The following KPNA6 variants were observed in gnomAD, a reference collection of about 807,000 sequenced individuals.
KPNA6 encodes importin subunit alpha-7.
KPNA6 carries 9 observed loss-of-function variants against 72.0 expected under a neutral mutation model. That is an observed-to-expected ratio of 0.13 (90% confidence interval 0.08 to 0.22). The LOEUF is 0.22. Ranked by LOEUF, KPNA6 falls within the 10% of genes least tolerant of loss-of-function variation. The pLI is 1.00. For missense variants in KPNA6, 374 were observed against 655.7 expected, an observed-to-expected ratio of 0.57 and a Z score of 4.69; for synonymous variants, 219 against 242.1, an observed-to-expected ratio of 0.90 and a Z score of 0.89.
In KPNA6 at chr1:32,147,612, T is replaced by C. The variant is rs181023228; in HGVS notation, c.5-6976T>C. On this transcript the variant is annotated intron_variant, in intron 1 of 13. Coordinates refer to ENST00000373625, the MANE Select transcript of KPNA6 (RefSeq NM_012316.5). ...TGAACCCAGCCTCTTTTCGGCACTT[T>C]CTTATTCTACTGCCTTCTGACTTTC... Among the ~76,000 whole-genome samples, 4 of 151,730 alleles carry C rather than the reference T, an allele frequency of 2.6e-5. No individual in the cohort carries two copies. The East Asian group carries it at 7.7e-4, about 29-fold the overall frequency.
chr1:32,135,055 G>A (rs1641709536), intron 1 of KPNA6, among the ~76,000 whole-genome samples: 1 of 151,062 alleles, frequency 6.6e-6, no homozygotes, highest in African/African-American at 2.4e-5. Flanking sequence ...ACAGGCACGT[G>A]CTACCACTCC....
intron 7 of KPNA6, among the ~76,000 whole-genome samples, chr1:32,161,366 C>T (rs779052126): frequency 6.6e-5 from 10 of 152,154 alleles, no homozygotes; most frequent in Non-Finnish European, 1.2e-4. Context: ...ACAGCTCTGT[C>T]GTAAATTATA....
intron 1 of KPNA6, among the ~76,000 whole-genome samples, chr1:32,121,664 TTGGTGTCTTAAAAGCCA>T (rs1413168341): frequency 5.3e-5 from 8 of 152,064 alleles, no homozygotes; most frequent in African/African-American, 1.9e-4. Flanking sequence ...CAAGGAGTGC[TTGGTGTCTTAAAAGCCA>T]AGAGAAAGAG....
At position 32,110,700 on chromosome 1, in the gene KPNA6, C is replaced by T. The variant is rs537196884; in HGVS notation, c.4+2566C>T. ...TCACCTGAGGTCAGGAGGACGACAC[C>T]AACCTGACCAATAAGGTGAAACCCT... On this transcript the variant is annotated intron_variant, in intron 1 of 13. Transcript: ENST00000373625. 2.6e-4 allele frequency among the ~76,000 whole-genome samples: 40 copies of T among 152,222 alleles called. No homozygotes were observed. The South Asian group carries it at 7.7e-3, about 29-fold the overall frequency.
intron 8 of KPNA6, 56 bp downstream of exon 8, chr1:32,162,102 T>C (rs1325450525): frequency 3.6e-6 from 5 of 1,395,802 alleles, no homozygotes; most frequent in African/African-American, 2.8e-5. Context: ...ATATGGAGTT[T>C]TTAAGTCTTT....
intron 1 of KPNA6, among the ~76,000 whole-genome samples, chr1:32,109,197 C>T (rs1301854171): frequency 6.6e-6 from 1 of 152,182 alleles, no homozygotes; most frequent in African/African-American, 2.4e-5. Flanking sequence ...TTGATAGAGT[C>T]TTGCTCTGTC....
intron 1 of KPNA6, among the ~76,000 whole-genome samples, chr1:32,115,006 C>G (rs936870306): frequency 6.6e-6 from 1 of 151,914 alleles, no homozygotes; most frequent in Non-Finnish European, 1.5e-5. Context: ...ACGCCCAGAA[C>G]ATTTATGTAT....
chr1:32,149,877 C>A (rs958049458), intron 1 of KPNA6, among the ~76,000 whole-genome samples: 2 of 151,854 alleles, frequency 1.3e-5, no homozygotes, highest in Non-Finnish European at 2.9e-5. Context: ...TCTAGTTTAC[C>A]AGCTTTTTGT....
intron 1 of KPNA6, among the ~76,000 whole-genome samples, chr1:32,119,496 T>C (rs1342365417): frequency 6.6e-6 from 1 of 152,220 alleles, no homozygotes; most frequent in East Asian, 1.9e-4. Context: ...AAGGGACTTT[T>C]CTAGGCCCTG....
intron 12 of KPNA6, 68 bp from the exon 13 acceptor site, chr1:32,169,814 C>T: frequency 7.1e-7 from 1 of 1,411,374 alleles, no homozygotes; most frequent in Non-Finnish European, 9.7e-7. Context: ...GCTGAGAGTT[C>T]AGAGCACCTG....
intron 1 of KPNA6, among the ~76,000 whole-genome samples, chr1:32,119,014 ATATATATATATATATATATT>A (rs1361426268): frequency 4.4e-5 from 3 of 67,628 alleles, no homozygotes; most frequent in African/African-American, 8.6e-5. Context: ...ATATATATAT[ATATATATATATATATATATT>A]TTTTTTTTTT....
intron 2 of KPNA6, among the ~76,000 whole-genome samples, chr1:32,155,996 A>G (rs116091193): frequency 0.019 from 2,581 of 137,084 alleles, 30 homozygotes; most frequent in Non-Finnish European, 0.029. Flanking sequence ...AGCTGAAGTG[A>G]TCCACCTGCC....
intron 1 of KPNA6, among the ~76,000 whole-genome samples, chr1:32,110,492 A>G (rs754890252): frequency 6.6e-6 from 1 of 152,168 alleles, no homozygotes; most frequent in Non-Finnish European, 1.5e-5. Flanking sequence ...AACAACACAT[A>G]TGGAAAGCAT....
chr1:32,165,538 GT>G (rs1194315455), intron 10 of KPNA6, among the ~76,000 whole-genome samples: 58 of 151,600 alleles, frequency 3.8e-4, no homozygotes, highest in African/African-American at 1.4e-3. Flanking sequence ...AAAAAAAAAT[GT>G]TTTTTAATTA....
intron 4 of KPNA6, 22 bp downstream of exon 4, chr1:32,157,467 A>G (rs367718285): frequency 2.6e-6 from 4 of 1,546,316 alleles, no homozygotes; most frequent in African/African-American, 2.7e-5. Flanking sequence ...GGCCCTTGTC[A>G]GAGAGGCCTT....
At chr1:32,134,457 A>G (rs1385215293) in intron 1 of KPNA6, among the ~76,000 whole-genome samples, 1 of 151,700 alleles carries the variant, frequency 6.6e-6, no homozygotes, top group African/African-American at 2.4e-5. Flanking sequence ...CCTGGGCAAC[A>G]TAACAAAACC....
chr1:32,162,791 T>C (rs1450910231), intron 9 of KPNA6, among the ~76,000 whole-genome samples: 63 of 136,360 alleles, frequency 4.6e-4, no homozygotes, highest in African/African-American at 8.3e-4. Context: ...GCCGAGATCG[T>C]GCCATTGCAC....
chr1:32,151,418 A>T (rs1642030437), intron 1 of KPNA6, among the ~76,000 whole-genome samples: 1 of 151,988 alleles, frequency 6.6e-6, no homozygotes, highest in Non-Finnish European at 1.5e-5. Flanking sequence ...CCTTTGTGTG[A>T]CTCATGGAGC....
At chr1:32,160,763 T>C in intron 7 of KPNA6, 60 bp downstream of exon 7, 1 of 1,181,348 alleles carries the variant, frequency 8.5e-7, no homozygotes, top group Middle Eastern at 1.9e-4. Flanking sequence ...GGCAGGTCAT[T>C]TGGGGGCAGC....
Sources: allele counts gnomAD v4.1 joint callset (sites outside exome capture counted in the v4.1 genomes callset), GRCh38; gene constraint gnomAD v4.1.1; transcripts MANE v1.5; gene names NCBI Gene and HGNC (gene_info 2026-07-23, HGNC 2026-07-21).